ATF2: variants seen among roughly 807,000 people sequenced by gnomAD.
ATF2 encodes the protein cyclic AMP-dependent transcription factor ATF-2.
Under a neutral mutation model 60.6 loss-of-function variants are expected in ATF2, and 24 were observed. The observed-to-expected ratio is 0.40, with a 90% CI of 0.29 to 0.56. ATF2 has a LOEUF of 0.56. Among genes scored for constraint, ATF2 ranks in the 20% least tolerant of loss-of-function variants. The pLI is 0.54. For synonymous variants in ATF2, 206 were observed against 215.4 expected, an observed-to-expected ratio of 0.96 and a Z score of 0.38; for missense variants, 433 against 607.7, an observed-to-expected ratio of 0.71 and a Z score of 3.02.
chr2:175,143,134 T>C (rs890277428), intron 2 of ATF2, among the ~76,000 whole-genome samples: 1 of 152,144 alleles, frequency 6.6e-6, no homozygotes, highest in Non-Finnish European at 1.5e-5. Flanking sequence ...GCTCCAAGAA[T>C]AATACAGAAG....
At chr2:175,109,681 G>C (rs1261595868) in intron 10 of ATF2, among the ~76,000 whole-genome samples, 1 of 152,114 alleles carries the variant, frequency 6.6e-6, no homozygotes, top group East Asian at 1.9e-4. Context: ...ACAATAACAG[G>C]ATCTCCTTTT....
intron 1 of ATF2, among the ~76,000 whole-genome samples, chr2:175,163,972 C>G (rs1156772919): frequency 9.5e-6 from 1 of 105,458 alleles, no homozygotes; most frequent in East Asian, 2.9e-4. Flanking sequence ...AGGTTGCCAA[C>G]AAGAATAAAT....
At chr2:175,127,077 A>C (rs78114688) in intron 4 of ATF2, 1 of 151,948 alleles carries the variant, frequency 6.6e-6, no homozygotes, top group African/African-American at 2.4e-5. Flanking sequence ...AAAAAAAAAA[A>C]CCAAGCAAAA....
chr2:175,107,795 C>T lies in ATF2; in HGVS notation c.828+3773G>A, dbSNP rs548196795. On this transcript the variant is annotated intron_variant, in intron 10 of 13. Coordinates refer to ENST00000264110, the MANE Select transcript of ATF2 (RefSeq NM_001880.4). ...TGTTGGCCGGGCTGGTCTCCAGCTC[C>T]TAACCGCGAGTGATCTGCCAGCCTC... is the stretch of plus-strand genomic sequence containing the variant. Among the ~76,000 whole-genome samples the T allele has an allele frequency of 5.3e-5, 8 of 152,366 alleles. No individual in the cohort carries two copies. The South Asian group carries it at 1.7e-3, about 32-fold the overall frequency.
chr2:175,089,181 C>CAAA (rs35962280), intron 12 of ATF2, among the ~76,000 whole-genome samples: 9,956 of 139,230 alleles, frequency 0.072, 329 homozygotes, highest in East Asian at 0.13. Flanking sequence ...ACTCTGTCTC[C>CAAA]AAAAAAAAAA....
At chr2:175,144,951 A>G (rs183829095) in intron 2 of ATF2, among the ~76,000 whole-genome samples, 2 of 152,212 alleles carry the variant, frequency 1.3e-5, no homozygotes, top group Non-Finnish European at 2.9e-5. Flanking sequence ...TATTGATCAA[A>G]TAAGTAAACA....
At chr2:175,078,140 A>C (rs1427010676) in intron 13 of ATF2, among the ~76,000 whole-genome samples, 1 of 152,002 alleles carries the variant, frequency 6.6e-6, no homozygotes. Flanking sequence ...GCTTTTTTAA[A>C]CTTTATTTTT....
rs187444484 is a variant in ATF2 at position 175,147,666 on chromosome 2, C to T, written c.-44+3394G>A. Among the ~76,000 whole-genome samples, 787 of 152,176 alleles carry T rather than the reference C, an allele frequency of 5.2e-3. 5 individuals carry two copies. Among genetic ancestry groups the T allele is most frequent in the African/African-American group, 0.018 (740 of 41,526 alleles). ...AATACCATATTAAGAATAAAAGTTG[C>T]TTGATGTTACCATGGTTTTTATGAA... On this transcript the variant is annotated intron_variant, in intron 2 of 13. Coordinates refer to ENST00000264110, the MANE Select transcript of ATF2 (RefSeq NM_001880.4).
At chr2:175,135,957 A>C (rs533513848) in intron 3 of ATF2, among the ~76,000 whole-genome samples, 1 of 152,118 alleles carries the variant, frequency 6.6e-6, no homozygotes, top group Admixed American at 6.6e-5. Context: ...ACTAAAGAAA[A>C]AAAGGTGTGG....
chr2:175,113,913 A>G, intron 9 of ATF2, 81 bp downstream of exon 9: 2 of 1,162,316 alleles, frequency 1.7e-6, no homozygotes, highest in East Asian at 4.7e-5. Flanking sequence ...CAATTTCATA[A>G]GCCAGTCAAG....
chr2:175,107,832 G>T (rs1397039688), intron 10 of ATF2, among the ~76,000 whole-genome samples: 1 of 152,220 alleles, frequency 6.6e-6, no homozygotes, highest in African/African-American at 2.4e-5. Flanking sequence ...GCCCCCCGAG[G>T]TGCCAGGATT....
At chr2:175,083,950 C>T (rs185426190) in intron 12 of ATF2, among the ~76,000 whole-genome samples, 2,622 of 152,236 alleles carry the variant, frequency 0.017, 52 homozygotes, top group Admixed American at 0.051. Flanking sequence ...GAGATACCAT[C>T]TCACACCAAT....
At chr2:175,086,784 T>A (rs1043390612) in intron 12 of ATF2, among the ~76,000 whole-genome samples, 5 of 152,140 alleles carry the variant, frequency 3.3e-5, no homozygotes, top group Non-Finnish European at 1.5e-5. Context: ...AAGAAAATAC[T>A]GTATTTCTAA....
At chr2:175,125,971 T>C (rs895701701) in intron 4 of ATF2, among the ~76,000 whole-genome samples, 1 of 152,122 alleles carries the variant, frequency 6.6e-6, no homozygotes, top group African/African-American at 2.4e-5. Context: ...CAATCCTACA[T>C]TGAAGCTATG....
chr2:175,086,552 T>C (rs1020207123), intron 12 of ATF2, among the ~76,000 whole-genome samples: 2 of 152,070 alleles, frequency 1.3e-5, no homozygotes, highest in African/African-American at 2.4e-5. Context: ...AGCTGAGTGG[T>C]TCCTAAGTCA....
chr2:175,134,801 C>T (rs1009430934), intron 3 of ATF2, among the ~76,000 whole-genome samples: 2 of 151,376 alleles, frequency 1.3e-5, no homozygotes, highest in Admixed American at 6.6e-5. Flanking sequence ...CTGGGAAAGA[C>T]GGCGTGACCC....
At chr2:175,082,604 T>C (rs375899997) in intron 12 of ATF2, among the ~76,000 whole-genome samples, 1 of 152,204 alleles carries the variant, frequency 6.6e-6, no homozygotes, top group Non-Finnish European at 1.5e-5. Flanking sequence ...TACAATCTTT[T>C]ACAATCTGGT....
intron 1 of ATF2, among the ~76,000 whole-genome samples, chr2:175,162,286 T>G (rs1023767997): frequency 1.3e-5 from 2 of 152,210 alleles, no homozygotes; most frequent in African/African-American, 4.8e-5. Context: ...CTAAATAATT[T>G]TAAAACTGCT....
intron 10 of ATF2, among the ~76,000 whole-genome samples, chr2:175,110,900 C>T (rs1696134391): frequency 6.6e-6 from 1 of 152,122 alleles, no homozygotes; most frequent in Non-Finnish European, 1.5e-5. Context: ...AGCCACTGCG[C>T]CCGGCCCTGA....
Sources: gnomAD v4.1 joint callset for allele counts (sites outside exome capture counted in the v4.1 genomes callset) on GRCh38, gnomAD v4.1.1 for gene constraint, MANE v1.5 for transcripts, NCBI Gene and HGNC (gene_info 2026-07-23, HGNC 2026-07-21) for gene names.